Variants in ATG2A observed in about 807,000 individuals in gnomAD.
ATG2A encodes the protein autophagy-related protein 2 homolog A.
In ATG2A, 103 loss-of-function variants were observed where a neutral mutation model predicts 214.2. That is an observed-to-expected ratio of 0.48 (90% CI 0.41 to 0.57). The LOEUF is 0.57. ATG2A is among the 20% of genes least tolerant of loss of function. The pLI is 0.00. For missense variants in ATG2A, 2,312 were observed against 2,613.2 expected, an observed-to-expected ratio of 0.88 and a Z score of 2.51; for synonymous variants, 1,160 against 1,142.1, an observed-to-expected ratio of 1.02 and a Z score of -0.32.
Position 64,911,230 on chromosome 11 carries a change from G to A in ATG2A, c.1274C>T (p.Ser425Leu), listed in dbSNP as rs1400627481. 3 of 1,614,058 alleles carry A rather than the reference G, an allele frequency of 1.9e-6. No homozygotes were observed. Among genetic ancestry groups the A allele is most frequent in the East Asian group, 2.2e-5 (1 of 44,886 alleles). Reference protein sequence around the residue: ...NPLLDTMRPDSLLKMTLGGVT... With the variant: ...NPLLDTMRPDLLLKMTLGGVT... ...ACCCCCCAAGGTCATCTTCAGCAGC[G>A]AGTCAGGGCGCATGGTGTCCAGGAG... The change falls in exon 10 of 41, where the codon TCG (serine) becomes TTG (leucine). Residue 425 changes from serine (S) to leucine (L), a missense_variant. Physicochemically the swap from Ser to Leu is moderately radical, Grantham distance 145. Coordinates refer to ENST00000377264, the MANE Select transcript of ATG2A (RefSeq NM_015104.3).
In ATG2A at chr11:64,897,643, G is replaced by A. The variant is rs201524115; in HGVS notation, c.5067+28C>T. ...GACTCAGCCACAGCTGACCCCACAT[G>A]GCCACCCCATCCGACCGCCCCACTT... On this transcript the variant is annotated intron_variant, in intron 36 of 40. Coordinates refer to ENST00000377264, the MANE Select transcript of ATG2A (RefSeq NM_015104.3). 2.2e-3 allele frequency: 3,513 copies of A among 1,614,004 alleles called. 12 individuals carry two copies. The highest frequency in any genetic ancestry group is 2.8e-3 in the Middle Eastern group (17 of 6,058).
intron 29 of ATG2A, 90 bp from the exon 30 acceptor site, chr11:64,901,182 A>ATTTTT: frequency 9.0e-7 from 1 of 1,117,140 alleles, no homozygotes; most frequent in Non-Finnish European, 1.2e-6. Context: ...CTTCTTTTTC[A>ATTTTT]TTTTTTTTTT....
intron 38 of ATG2A, 31 bp downstream of exon 38, chr11:64,896,717 G>C (rs775743582): frequency 3.2e-5 from 52 of 1,612,480 alleles, no homozygotes; most frequent in Non-Finnish European, 4.2e-5. Context: ...GGTAAAAGCA[G>C]TTTCGAGGGC....
At chr11:64,912,604 T>A (rs1313084578) in intron 6 of ATG2A, 181 bp from the exon 7 acceptor site, 1 of 586,206 alleles carries the variant, frequency 1.7e-6, no homozygotes, top group East Asian at 3.0e-5. Context: ...CTTTTTTTCT[T>A]CTTTTTGAGA....
At chr11:64,899,856 C>T (rs1207050951) in intron 31 of ATG2A, among the ~76,000 whole-genome samples, 1 of 150,412 alleles carries the variant, frequency 6.6e-6, no homozygotes, top group Non-Finnish European at 1.5e-5. Flanking sequence ...CTTCCAGCTT[C>T]CAGCATTTTT....
chr11:64,908,905 C>T, intron 16 of ATG2A, 86 bp downstream of exon 16: 1 of 1,491,296 alleles, frequency 6.7e-7, no homozygotes, highest in Non-Finnish European at 9.0e-7. Flanking sequence ...GCTGCCCTGG[C>T]CCACAGCCAC....
At chr11:64,899,641 C>T (rs1944280663) in intron 31 of ATG2A, among the ~76,000 whole-genome samples, 1 of 152,150 alleles carries the variant, frequency 6.6e-6, no homozygotes, top group Admixed American at 6.5e-5. Flanking sequence ...ATCTCACACA[C>T]CCCATCCGCA....
In ATG2A at chr11:64,900,891, CG is replaced by C; in HGVS notation, c.4320del (p.Gly1441AlafsTer46). 1 of 1,558,642 alleles carries C rather than the reference CG, an allele frequency of 6.4e-7. No individual in the cohort carries two copies. The highest frequency in any genetic ancestry group is 8.7e-7 in the Non-Finnish European group (1 of 1,152,030). ...LYGGRDFGPH[P>X]GHRARTGLSG... is the part of the protein sequence containing the mutation. ...GCACCCGCTCCTCCTCACCTGTGGC[CG>C]GGGTGGGGGCCAAAGTCTCGGCCCC... On this transcript the variant is annotated frameshift_variant, in exon 30 of 41. Transcript: ENST00000377264. LOFTEE classifies it high-confidence loss of function.
At chr11:64,905,678 G>C in intron 23 of ATG2A, 23 bp from the exon 24 acceptor site, 1 of 1,613,672 alleles carries the variant, frequency 6.2e-7, no homozygotes, top group East Asian at 2.2e-5. Flanking sequence ...CTCGGGCTGG[G>C]GCCGGCTCCT....
At position 64,906,476 on chromosome 11, in the gene ATG2A, G is replaced by C. The variant is rs776248968; in HGVS notation, c.3041C>G (p.Pro1014Arg). The change falls in exon 21 of 41, where the codon CCG becomes CGG. Residue 1014 changes from proline to arginine, a missense_variant. By Grantham distance (103) the Pro-to-Arg change is moderately radical (BLOSUM62 -2). Coordinates refer to ENST00000377264, the MANE Select transcript of ATG2A (RefSeq NM_015104.3). ...GTAGATGGTTGGGGCCAGCTGAGCC[G>C]GGGGAGCGAAACTGGGAAGGTCCAG... The part of the protein sequence containing the change: ...SHLDLPSFAP[P>R]AQLAPTIYPS... 1 of 1,613,184 alleles carries C rather than the reference G, an allele frequency of 6.2e-7. No individual in the cohort carries two copies. Among genetic ancestry groups the C allele is most frequent in the Non-Finnish European group, 8.5e-7 (1 of 1,179,998 alleles).
chr11:64,895,062 T>C lies in ATG2A; in HGVS notation c.5728A>G (p.Ser1910Gly). The C allele has an allele frequency of 6.2e-7, 1 of 1,613,304 alleles. No homozygotes were observed. The highest frequency in any genetic ancestry group is 8.5e-7 in the Non-Finnish European group (1 of 1,179,786). ...PLILATEATSSLLGGMRNQIV... is the reference protein window; with the variant it reads ...PLILATEATSGLLGGMRNQIV... Reference sequence around the variant, plus strand: ...TGGTTGCGCATGCCCCCGAGCAGGCTGGACGTGGCCTCCGTGGCCAGGATG... The same window carrying C: ...TGGTTGCGCATGCCCCCGAGCAGGCCGGACGTGGCCTCCGTGGCCAGGATG... Residue 1910 changes from serine to glycine, a missense_variant, in exon 41 of 41, where the codon AGC becomes GGC. Ser to Gly is a moderately conservative substitution (Grantham distance 56, BLOSUM62 0). Coordinates refer to ENST00000377264, the MANE Select transcript of ATG2A (RefSeq NM_015104.3). This position sits in a 1 kb window ranked among gnomAD's most constrained non-coding sequence, Gnocchi z 5.0.
rs1944444733 is a variant in ATG2A, at chr11:64,903,801, G to A, written c.3465-141C>T. On this transcript the variant is annotated intron_variant, in intron 24 of 40. Transcript: ENST00000377264. This position sits in a 1 kb window ranked among gnomAD's most constrained non-coding sequence, Gnocchi z 4.2. The stretch of plus-strand genomic sequence containing the variant: ...CTCAGCGTTCCTGCCTGCACAATGG[G>A]GAGAAGGCCCAGACAGCAGGCAGTG... 1.3e-6 allele frequency: 1 copy of A among 767,028 alleles called. No individual in the cohort carries two copies. The highest frequency in any genetic ancestry group is 2.0e-6 in the Non-Finnish European group (1 of 489,994). 47.5% of individuals were successfully genotyped at this position (767,028 alleles called of 1,614,324 possible). A position where few individuals can be genotyped will look rare whatever the true frequency, so the allele number is the denominator to read the frequency against.
rs748851991 is a variant in ATG2A, at chr11:64,900,993, G to A, written c.4219C>T (p.Arg1407Trp). The change falls in exon 30 of 41, where the codon CGG becomes TGG. Residue 1407 changes from arginine to tryptophan, a missense_variant. Transcript: ENST00000377264. ...SRPIGSTDLL[R>W]APAHFPVPST... ...GGCACTGGGAAATGGGCAGGTGCCC[G>A]CAGCAAGTCCGTGCTGCCGATCGGC... The A allele has an allele frequency of 6.9e-6, 11 of 1,589,392 alleles. No individual in the cohort carries two copies. Among genetic ancestry groups the A allele is most frequent in the South Asian group, 2.3e-5 (2 of 87,436 alleles).
chr11:64,907,165 T>G lies in ATG2A; in HGVS notation c.2832+90A>C, dbSNP rs1032805717. The stretch of plus-strand genomic sequence containing the variant: ...CCACTCAGGCCTCCTGCTCTCCACA[T>G]TCTTGACCTGGAGCTGCTCGCGCTG... On this transcript the variant is annotated intron_variant, in intron 19 of 40. Transcript: ENST00000377264. 1.6e-5 allele frequency: 22 copies of G among 1,398,958 alleles called. No homozygotes were observed. The Admixed American group carries it at 6.0e-4, about 38-fold the overall frequency. 86.7% of individuals were successfully genotyped at this position (1,398,958 alleles called of 1,614,324 possible). A position where few individuals can be genotyped will look rare whatever the true frequency, so the allele number is the denominator to read the frequency against.
chr11:64,909,602 G>A, intron 14 of ATG2A, 79 bp downstream of exon 14: 1 of 1,571,152 alleles, frequency 6.4e-7, no homozygotes, highest in Non-Finnish European at 8.6e-7. Flanking sequence ...TTGTGACTGG[G>A]CCCCTTCCAT....
chr11:64,904,902 C>T (rs1260966409), intron 24 of ATG2A, among the ~76,000 whole-genome samples: 3 of 152,190 alleles, frequency 2.0e-5, no homozygotes, highest in African/African-American at 7.2e-5. Flanking sequence ...GTCACCCAGG[C>T]TGGAGTGCAG....
intron 30 of ATG2A, 72 bp from the exon 31 acceptor site, chr11:64,900,701 A>G: frequency 2.0e-6 from 3 of 1,487,054 alleles, no homozygotes; most frequent in Non-Finnish European, 2.7e-6. Context: ...CGGGCCTTTT[A>G]GCCTGGGACA....
chr11:64,897,425 A>G lies in ATG2A; in HGVS notation c.5137T>C (p.Cys1713Arg), dbSNP rs1250164297. The change falls in exon 37 of 41, where the codon TGT becomes CGT. Residue 1713 changes from cysteine to arginine, a missense_variant. Cys to Arg is a radical substitution (Grantham distance 180). Transcript: ENST00000377264. ...NCSELKLKRL[C>R]CRHGLLGVDK... is the part of the protein sequence containing the mutation. ...CTGGGGACTCACCCGTGCCTGCAAC[A>G]GAGCCGCTTTAGCTTCAGCTCGGAG... The G allele has an allele frequency of 2.6e-6, 4 of 1,566,306 alleles. No homozygotes were observed. The African/African-American group carries it at 4.1e-5, about 16-fold the overall frequency.
At chr11:64,896,237 G>A (rs1413766382) in intron 39 of ATG2A, among the ~76,000 whole-genome samples, 1 of 152,236 alleles carries the variant, frequency 6.6e-6, no homozygotes, top group Admixed American at 6.5e-5. Context: ...AAGGCCTGGG[G>A]GGCACTCCCG....
Sources: allele counts gnomAD v4.1 joint callset (sites outside exome capture counted in the v4.1 genomes callset), GRCh38; gene constraint gnomAD v4.1.1; non-coding constraint Gnocchi (gnomAD v3.1); transcripts MANE v1.5; gene names NCBI Gene and HGNC (gene_info 2026-07-23, HGNC 2026-07-21).